POU2AF3: variants seen among roughly 807,000 people sequenced by gnomAD.
The protein encoded by POU2AF3 is POU class 2 homeobox associating factor 3.
chr11:111,308,259 TCTC>T, the POU2AF3 span: 1 of 1,551,712 alleles, frequency 6.4e-7, no homozygotes, highest in African/African-American at 1.4e-5. Context: ...TACAGCTGCT[TCTC>T]CTCGGCCACC....
chr11:111,308,567 T>G, the POU2AF3 span: 1 of 1,003,952 alleles, frequency 1.0e-6, no homozygotes, highest in Non-Finnish European at 1.4e-6. Context: ...TATTTCCAAT[T>G]TTCTGATGCT....
the POU2AF3 span, chr11:111,308,210 G>A: frequency 6.4e-7 from 1 of 1,551,764 alleles, no homozygotes; most frequent in East Asian, 2.4e-5. Context: ...CTACCCCCCA[G>A]AAGACCATTC....
At chr11:111,303,160 G>A in the POU2AF3 span, among the ~76,000 whole-genome samples, 32 of 152,250 alleles carry the variant, frequency 2.1e-4, no homozygotes, top group African/African-American at 6.3e-4. Flanking sequence ...AAGCAGTGCC[G>A]GAAGAAACTG....
chr11:111,308,233 G>T, the POU2AF3 span: 1 of 1,551,686 alleles, frequency 6.4e-7, no homozygotes, highest in Non-Finnish European at 8.7e-7. Flanking sequence ...ACCAACACTT[G>T]TCCTCACACG....
chr11:111,306,444 C>T, the POU2AF3 span: 58 of 1,487,916 alleles, frequency 3.9e-5, 2 homozygotes, highest in African/African-American at 5.7e-4. Context: ...TTATTTGCAA[C>T]GGGGAGAATT....
At chr11:111,300,036 C>T in the POU2AF3 span, 1 of 396,450 alleles carries the variant, frequency 2.5e-6, no homozygotes, top group Non-Finnish European at 4.4e-6. Context: ...GGAAGGGACT[C>T]GGGACTTCCA....
the POU2AF3 span, among the ~76,000 whole-genome samples, chr11:111,307,715 C>T: frequency 6.6e-6 from 1 of 152,180 alleles, no homozygotes; most frequent in Admixed American, 6.5e-5. Flanking sequence ...AGGGTGCCAC[C>T]TACAGCTTAG....
At chr11:111,298,826 G>GCGGGGGGGGGCCC in the POU2AF3 span, 14 of 790,956 alleles carry the variant, frequency 1.8e-5, no homozygotes, top group Non-Finnish European at 2.2e-5. Flanking sequence ...CGTACCCCAG[G>GCGGGGGGGGGCCC]CCCCCGCCCG....
the POU2AF3 span, among the ~76,000 whole-genome samples, chr11:111,301,413 GAT>G: frequency 6.6e-6 from 1 of 152,158 alleles, no homozygotes; most frequent in African/African-American, 2.4e-5. Flanking sequence ...GTGAACATAG[GAT>G]CTGACAGCTG....
At chr11:111,303,295 TG>T in the POU2AF3 span, among the ~76,000 whole-genome samples, 9 of 152,212 alleles carry the variant, frequency 5.9e-5, no homozygotes, top group Non-Finnish European at 1.5e-5. Context: ...AAAGGAAACT[TG>T]AGTTAGTCGT....
the POU2AF3 span, among the ~76,000 whole-genome samples, chr11:111,304,085 C>T: frequency 6.6e-6 from 1 of 152,026 alleles, no homozygotes; most frequent in Non-Finnish European, 1.5e-5. Context: ...AATTCCCGAC[C>T]ATTAACTAGA....
chr11:111,306,344 G>T, the POU2AF3 span: 1 of 1,074,528 alleles, frequency 9.3e-7, no homozygotes, highest in Non-Finnish European at 1.3e-6. Context: ...ATTCAAATCT[G>T]TGTTTTGCAA....
the POU2AF3 span, among the ~76,000 whole-genome samples, chr11:111,301,551 G>A: frequency 5.3e-5 from 8 of 152,100 alleles, no homozygotes; most frequent in Non-Finnish European, 1.0e-4. Flanking sequence ...CTTTGACAGC[G>A]GGACTTCTTG....
the POU2AF3 span, chr11:111,298,826 GCCC>G: frequency 3.2e-5 from 25 of 790,948 alleles, no homozygotes; most frequent in Non-Finnish European, 3.9e-5. Flanking sequence ...CGTACCCCAG[GCCC>G]CCGCCCGCCC....
chr11:111,303,892 T>TA, the POU2AF3 span, among the ~76,000 whole-genome samples: 36,496 of 141,618 alleles, frequency 0.26, 4,916 homozygotes, highest in South Asian at 0.47. Context: ...ACCTGAAATT[T>TA]AAAAAAAAAA....
At chr11:111,299,793 G>C in the POU2AF3 span, 2 of 1,109,710 alleles carry the variant, frequency 1.8e-6, no homozygotes, top group Non-Finnish European at 2.3e-6. Flanking sequence ...AAGATGGAGC[G>C]CGGAAAAGGC....
the POU2AF3 span, among the ~76,000 whole-genome samples, chr11:111,306,148 C>CA: frequency 1.3e-5 from 2 of 152,098 alleles, no homozygotes; most frequent in Non-Finnish European, 2.9e-5. Context: ...ATTGGGTCAC[C>CA]ATCCTTTTAT....
chr11:111,305,976 T>C, the POU2AF3 span, among the ~76,000 whole-genome samples: 3 of 152,324 alleles, frequency 2.0e-5, no homozygotes, highest in African/African-American at 7.2e-5. Flanking sequence ...GTCAAAAGAA[T>C]TATTTCCCGT....
the POU2AF3 span, chr11:111,300,154 C>T: frequency 2.8e-6 from 1 of 357,330 alleles, no homozygotes; most frequent in Non-Finnish European, 5.0e-6. Context: ...CCCTCTCTCT[C>T]GGCTGTCTGG....
Sources: allele counts gnomAD v4.1 joint callset (sites outside exome capture counted in the v4.1 genomes callset), GRCh38; gene constraint gnomAD v4.1.1; transcripts MANE v1.5; gene names NCBI Gene and HGNC (gene_info 2026-07-23, HGNC 2026-07-21).